The following ATM variants were observed in gnomAD, a reference collection of about 807,000 sequenced individuals.
The protein encoded by ATM is serine-protein kinase ATM.
In ATM, 308 loss-of-function variants were observed where a neutral mutation model predicts 387.0. The ratio of observed to expected loss-of-function variants is 0.80; its 90% CI spans 0.73 to 0.87. The LOEUF is 0.87. ATM is among the 40% of genes least tolerant of loss of function. The pLI is 0.00. For synonymous variants in ATM, 1,156 were observed against 1,187.3 expected, an observed-to-expected ratio of 0.97 and a Z score of 0.54; for missense variants, 3,312 against 3,560.9, an observed-to-expected ratio of 0.93 and a Z score of 1.78.
intron 22 of ATM, among the ~76,000 whole-genome samples, chr11:108,277,265 C>G (rs997123294): frequency 2.0e-5 from 3 of 152,118 alleles, no homozygotes; most frequent in African/African-American, 7.2e-5. Context: ...CTGCTGGCAG[C>G]GAGAATTTCA....
chr11:108,327,565 T>C, intron 47 of ATM, 80 bp from the exon 48 acceptor site: 1 of 1,199,944 alleles, frequency 8.3e-7, no homozygotes. Flanking sequence ...TTTAACCTGC[T>C]TTTTTCCCCG....
intron 61 of ATM, 68 bp downstream of exon 61, chr11:108,354,942 G>A: frequency 7.7e-7 from 1 of 1,292,408 alleles, no homozygotes; most frequent in Non-Finnish European, 1.1e-6. Flanking sequence ...TCATCAGGAA[G>A]TCACTGATGT....
At chr11:108,307,808 C>A in intron 37 of ATM, 89 bp from the exon 38 acceptor site, 2 of 1,177,360 alleles carry the variant, frequency 1.7e-6, no homozygotes, top group Non-Finnish European at 2.5e-6. Context: ...AACCTTATAG[C>A]ATAGTGGGAG....
At chr11:108,288,139 G>A (rs1301893392) in intron 27 of ATM, among the ~76,000 whole-genome samples, 4 of 151,030 alleles carry the variant, frequency 2.6e-5, no homozygotes, top group Admixed American at 6.6e-5. Flanking sequence ...GCATAATCTC[G>A]GCTCACTGCA....
intron 11 of ATM, 114 bp downstream of exon 11, chr11:108,252,145 A>G: frequency 1.1e-6 from 1 of 891,088 alleles, no homozygotes; most frequent in Non-Finnish European, 1.7e-6. Context: ...AATTTCCCAG[A>G]TCTAACCTTA....
chr11:108,254,177 T>C, intron 13 of ATM, 138 bp downstream of exon 13: 1 of 730,816 alleles, frequency 1.4e-6, no homozygotes, highest in East Asian at 2.7e-5. Flanking sequence ...AGTAAAGGGC[T>C]CTAAATTGGA....
At chr11:108,241,188 T>C (rs1296739779) in intron 5 of ATM, among the ~76,000 whole-genome samples, 4 of 152,242 alleles carry the variant, frequency 2.6e-5, no homozygotes, top group African/African-American at 7.2e-5. Flanking sequence ...TTCAGGGACA[T>C]GCACAGAGCT....
intron 5 of ATM, among the ~76,000 whole-genome samples, chr11:108,239,420 A>G (rs1017700136): frequency 1.3e-5 from 2 of 152,218 alleles, no homozygotes; most frequent in East Asian, 3.8e-4. Context: ...CAACCTGCTT[A>G]TTACACTTAC....
chr11:108,244,692 G>GTTT, intron 6 of ATM, 96 bp from the exon 7 acceptor site: 9 of 955,990 alleles, frequency 9.4e-6, no homozygotes, highest in Admixed American at 2.0e-5. Flanking sequence ...TTAGGGTTTT[G>GTTT]TTTTTTTTTC....
chr11:108,238,791 G>T (rs533322933), intron 5 of ATM, among the ~76,000 whole-genome samples: 1 of 151,984 alleles, frequency 6.6e-6, no homozygotes, highest in African/African-American at 2.4e-5. Context: ...CATTGGCTAG[G>T]ACCTCCAGTG....
At chr11:108,267,089 C>T (rs1336241140) in intron 16 of ATM, 82 bp from the exon 17 acceptor site, 2 of 1,410,606 alleles carry the variant, frequency 1.4e-6, no homozygotes, top group Non-Finnish European at 2.0e-6. Context: ...AGCCACTGTG[C>T]CCAGCCTGAT....
At chr11:108,314,880 G>A (rs1259388306) in intron 40 of ATM, among the ~76,000 whole-genome samples, 1 of 152,164 alleles carries the variant, frequency 6.6e-6, no homozygotes, top group Non-Finnish European at 1.5e-5. Flanking sequence ...AATACCGTAA[G>A]TTTATATCAT....
chr11:108,349,269 TAATC>T (rs997642719), intron 59 of ATM, among the ~76,000 whole-genome samples: 1 of 152,158 alleles, frequency 6.6e-6, no homozygotes, highest in African/African-American at 2.4e-5. Context: ...ATTTAACAAG[TAATC>T]AATCCTAGAG....
At chr11:108,252,170 T>A in intron 11 of ATM, 139 bp downstream of exon 11, 1 of 788,688 alleles carries the variant, frequency 1.3e-6, no homozygotes, top group Non-Finnish European at 2.0e-6. Flanking sequence ...TTAAATATTA[T>A]GTTTGTTTTT....
At chr11:108,361,709 A>G (rs2090783257) in intron 61 of ATM, among the ~76,000 whole-genome samples, 3 of 151,672 alleles carry the variant, frequency 2.0e-5, no homozygotes, top group Admixed American at 2.0e-4. Flanking sequence ...AGGATTCCCT[A>G]TTTAATAAAT....
At chr11:108,333,998 T>A (rs1565538870) in intron 54 of ATM, 30 bp downstream of exon 54, 5 of 1,540,776 alleles carry the variant, frequency 3.2e-6, no homozygotes, top group Non-Finnish European at 4.5e-6. Context: ...TGATTTTTTT[T>A]AAACTAAATT....
intron 22 of ATM, among the ~76,000 whole-genome samples, chr11:108,274,913 T>G (rs11824200): frequency 0.057 from 8,717 of 152,208 alleles, 809 homozygotes; most frequent in African/African-American, 0.2. Flanking sequence ...GTTCAAGTCC[T>G]GAATATCCTT....
chr11:108,314,114 A>G (rs676729), intron 40 of ATM, among the ~76,000 whole-genome samples: 74,854 of 151,838 alleles, frequency 0.49, 20,027 homozygotes, highest in Middle Eastern at 0.72. Context: ...TCTAATGTAC[A>G]GTTTTTTTGT....
rs772719886 is a variant in ATM, at chr11:108,254,053, A to G, written c.2124+14A>G. ...TACTCATCTGAGGTGAGATTTTTTA[A>G]AAAAAGAACTAAGCTTATATATGAT... is the stretch of plus-strand genomic sequence containing the variant. On this transcript the variant is annotated intron_variant, in intron 13 of 62. Coordinates refer to ENST00000675843, the MANE Select transcript of ATM (RefSeq NM_000051.4). 113 of 1,609,382 alleles carry G rather than the reference A, an allele frequency of 7.0e-5. No individual in the cohort carries two copies. The highest frequency in any genetic ancestry group is 9.4e-5 in the Non-Finnish European group (111 of 1,176,942).
Sources: allele counts gnomAD v4.1 joint callset (sites outside exome capture counted in the v4.1 genomes callset), GRCh38; gene constraint gnomAD v4.1.1; transcripts MANE v1.5; gene names NCBI Gene and HGNC (gene_info 2026-07-23, HGNC 2026-07-21).